TBXA2R: variants seen among roughly 807,000 people sequenced by gnomAD.
TBXA2R encodes prostanoid TP receptor.
Under a neutral mutation model 15.6 loss-of-function variants are expected in TBXA2R, and 15 were observed. The ratio of observed to expected loss-of-function variants is 0.96; its 90% CI spans 0.64 to 1.48. TBXA2R has a LOEUF of 1.48. Ranked by LOEUF, TBXA2R falls within the 40% of genes most tolerant of loss-of-function variation. The pLI is 0.00. For missense variants in TBXA2R, 506 were observed against 491.4 expected, an observed-to-expected ratio of 1.03 and a Z score of -0.28; for synonymous variants, 280 against 241.2, an observed-to-expected ratio of 1.16 and a Z score of -1.49.
chr19:3,604,271 C>T (rs976532414), intron 1 of TBXA2R, among the ~76,000 whole-genome samples: 17 of 152,150 alleles, frequency 1.1e-4, no homozygotes, highest in African/African-American at 3.9e-4. Context: ...AGTGAGTTCT[C>T]CCTCATCCGA....
rs34885751 is a variant in TBXA2R, at chr19:3,595,078, T to TAAAA, written c.*606_*609dup. On this transcript the variant is annotated 3_prime_UTR_variant, in exon 3 of 3. Coordinates refer to ENST00000375190, the MANE Select transcript of TBXA2R (RefSeq NM_001060.6). ...CTGGGCCACAGAGTGAGACTCCGTC[T>TAAAA]AAAAAAAAAAAAAAAAATGGCCAGG... 66 of 477,570 alleles carry TAAAA rather than the reference T, an allele frequency of 1.4e-4. No homozygotes were observed. Among genetic ancestry groups the TAAAA allele is most frequent in the Non-Finnish European group, 1.6e-4 (44 of 280,882 alleles). 29.6% of individuals were successfully genotyped at this position (477,570 alleles called of 1,614,324 possible).
rs201023671 is a variant in TBXA2R at position 3,597,309 on chromosome 19, TATA to T, written c.787-1379_787-1377del. On this transcript the variant is annotated intron_variant, in intron 2 of 2. Coordinates refer to ENST00000375190, the MANE Select transcript of TBXA2R (RefSeq NM_001060.6). ...GTTATCTACAAATTAGTATATAATATATAATAATCAATTATATGATAATTATTC... is the reference window on the plus strand; with the variant it reads ...GTTATCTACAAATTAGTATATAATATATAATCAATTATATGATAATTATTC... Among the ~76,000 whole-genome samples the T allele has an allele frequency of 6.2e-4, 93 of 150,840 alleles. 1 individual carries two copies. Among genetic ancestry groups the T allele is most frequent in the Non-Finnish European group, 1.1e-3 (76 of 67,842 alleles).
chr19:3,603,035 C>CA (rs397714160), intron 1 of TBXA2R, among the ~76,000 whole-genome samples: 1,979 of 135,826 alleles, frequency 0.015, 28 homozygotes, highest in African/African-American at 0.039. Flanking sequence ...GACTCCATCT[C>CA]AAAAAAAAAA....
chr19:3,602,596 C>T lies in TBXA2R; in HGVS notation c.-83-1879G>A, dbSNP rs182052974. 1.6e-3 allele frequency among the ~76,000 whole-genome samples: 237 copies of T among 151,900 alleles called. 2 individuals carry two copies. Among genetic ancestry groups the T allele is most frequent in the Non-Finnish European group, 5.0e-4 (34 of 67,940 alleles). On this transcript the variant is annotated intron_variant, in intron 1 of 2. Transcript: ENST00000375190. Reference sequence around the variant, plus strand: ...AACTAATAAAAATACAAAAATTAGCCGGGTGTGGTGGTGCATACCTGTAAT... The same window carrying T: ...AACTAATAAAAATACAAAAATTAGCTGGGTGTGGTGGTGCATACCTGTAAT...
rs758498665 is a variant in TBXA2R, at chr19:3,600,554, C to T, written c.81G>A (p.Ser27=). The T allele has an allele frequency of 6.8e-6, 11 of 1,611,826 alleles. No individual in the cohort carries two copies. Among genetic ancestry groups the T allele is most frequent in the South Asian group, 2.2e-5 (2 of 91,058 alleles). ...CGCAGAAGGAGGCGGCGAACCAGGG[C>T]GAGGCGATCAGCCGTCTCTCCTCCA... ...ITLEERRLIA[S]PWFAASFCVV... The change falls in exon 2 of 3, where the codon TCG becomes TCA. Residue 27 remains serine (S), a synonymous_variant. Transcript: ENST00000375190.
At position 3,594,828 on chromosome 19, in the gene TBXA2R, G is replaced by A. The variant is rs922863748; in HGVS notation, c.*860C>T. 1.2e-5 allele frequency: 19 copies of A among 1,533,768 alleles called. No individual in the cohort carries two copies. Among genetic ancestry groups the A allele is most frequent in the East Asian group, 7.3e-5 (3 of 40,890 alleles). On this transcript the variant is annotated 3_prime_UTR_variant, in exon 3 of 3. Transcript: ENST00000375190. ...TTTGGCAAGAAAAGGGGGTGCCCCC[G>A]TTCACATTCAATCCTTTCTGGACAG...
chr19:3,602,016 T>G (rs2032747715), intron 1 of TBXA2R, among the ~76,000 whole-genome samples: 1 of 150,854 alleles, frequency 6.6e-6, no homozygotes. Flanking sequence ...GGTCAGGAGA[T>G]CGAGACCATC....
Position 3,600,794 on chromosome 19 carries a change from C to T in TBXA2R, c.-83-77G>A, listed in dbSNP as rs34770196. 2,003 of 696,960 alleles carry T rather than the reference C, an allele frequency of 2.9e-3. 31 individuals are homozygous for T. The African/African-American group carries it at 0.034, about 12-fold the overall frequency. The allele number at this position is 696,960 out of a possible 1,614,324, so 43.2% of individuals were successfully genotyped here. On this transcript the variant is annotated intron_variant, in intron 1 of 2. Coordinates refer to ENST00000375190, the MANE Select transcript of TBXA2R (RefSeq NM_001060.6). Reference sequence around the variant, plus strand: ...GTAGCTCTGGTGAACTCCTACACAACCTTCAATGCCCCAGCTCAAATATCC... The same window carrying T: ...GTAGCTCTGGTGAACTCCTACACAATCTTCAATGCCCCAGCTCAAATATCC...
intron 2 of TBXA2R, among the ~76,000 whole-genome samples, chr19:3,598,813 C>T (rs568730886): frequency 5.3e-4 from 80 of 152,046 alleles, no homozygotes; most frequent in African/African-American, 1.8e-3. Flanking sequence ...GGACTACAGG[C>T]GTGCGCCACC....
intron 1 of TBXA2R, 125 bp from the exon 2 acceptor site, chr19:3,600,842 T>TTTTG: frequency 1.6e-6 from 1 of 611,818 alleles, no homozygotes; most frequent in African/African-American, 1.9e-5. Context: ...TTTTTTTTTT[T>TTTTG]TTTTGAGACA....
In TBXA2R at chr19:3,595,429, C is replaced by T. The variant is rs1358277330; in HGVS notation, c.*259G>A. 1.4e-6 allele frequency: 2 copies of T among 1,404,362 alleles called. No individual in the cohort carries two copies. Among genetic ancestry groups the T allele is most frequent in the Non-Finnish European group, 1.8e-6 (2 of 1,084,168 alleles). The allele number at this position is 1,404,362 out of a possible 1,614,324, so 87.0% of individuals were successfully genotyped here. A position where few individuals can be genotyped will look rare whatever the true frequency, so the allele number is the denominator to read the frequency against. ...CTCTTCCAATGTCTGCATGCCCTTC[C>T]TGGGGTTGGGAGGGACGCAGAGAAG... On this transcript the variant is annotated 3_prime_UTR_variant, in exon 3 of 3. Coordinates refer to ENST00000375190, the MANE Select transcript of TBXA2R (RefSeq NM_001060.6).
Position 3,595,488 on chromosome 19 carries a change from G to A in TBXA2R, c.*200C>T. On this transcript the variant is annotated 3_prime_UTR_variant, in exon 3 of 3. Transcript: ENST00000375190. ...GCTCTGGATGGGAAAAAGGGGCCGA[G>A]GAAGGGAGAGTGCTTGGTAAAAGGA... is the stretch of plus-strand genomic sequence containing the variant. 3.5e-6 allele frequency: 5 copies of A among 1,425,462 alleles called. No homozygotes were observed. Among genetic ancestry groups the A allele is most frequent in the Non-Finnish European group, 4.6e-6 (5 of 1,093,964 alleles). The allele number at this position is 1,425,462 out of a possible 1,614,324, so 88.3% of individuals were successfully genotyped here.
In TBXA2R at chr19:3,600,175, C is replaced by T. The variant is rs1383776459; in HGVS notation, c.460G>A (p.Gly154Arg). Reference sequence around the variant, plus strand: ...GCCAGCGCGGCCGCCCACACCAGCCCCACGGTGGCCCAGGCGCGGCGCTGC... The same window carrying T: ...GCCAGCGCGGCCGCCCACACCAGCCTCACGGTGGCCCAGGCGCGGCGCTGC... ...ASQRRAWATV[G>R]LVWAAALALG... The change falls in exon 2 of 3, where the codon GGG becomes AGG. Residue 154 changes from glycine (G) to arginine (R), a missense_variant. Physicochemically the swap from Gly to Arg is moderately radical, Grantham distance 125 (BLOSUM62 -2). Transcript: ENST00000375190. The T allele has an allele frequency of 6.3e-7, 1 of 1,598,072 alleles. No homozygotes were observed. Among genetic ancestry groups the T allele is most frequent in the South Asian group, 1.1e-5 (1 of 89,856 alleles).
In TBXA2R at chr19:3,595,323, G is replaced by A; in HGVS notation, c.*365C>T. On this transcript the variant is annotated 3_prime_UTR_variant, in exon 3 of 3. Coordinates refer to ENST00000375190, the MANE Select transcript of TBXA2R (RefSeq NM_001060.6). ...GAACCCGGGAGGTGGAGGTTGCAGT[G>A]AGCTGAGATTGCGCCACTGCACTCC... The A allele has an allele frequency of 7.5e-7, 1 of 1,326,652 alleles. No individual in the cohort carries two copies. Among genetic ancestry groups the A allele is most frequent in the South Asian group, 2.1e-5 (1 of 47,692 alleles). 82.2% of individuals were successfully genotyped at this position (1,326,652 alleles called of 1,614,324 possible).
chr19:3,594,546 G>A lies in TBXA2R; in HGVS notation c.*1142C>T, dbSNP rs1255848680. On this transcript the variant is annotated 3_prime_UTR_variant, in exon 3 of 3. Transcript: ENST00000375190. ...CTTTTAATGACACACAGATTCAAAG[G>A]TGGTTTGATTGCAGGTTCCAGGGCT... 1 of 230,408 alleles carries A rather than the reference G, an allele frequency of 4.3e-6. No individual in the cohort carries two copies. The highest frequency in any genetic ancestry group is 5.1e-5 in the Admixed American group (1 of 19,514). 14.3% of individuals were successfully genotyped at this position (230,408 alleles called of 1,614,324 possible).
At position 3,594,580 on chromosome 19, in the gene TBXA2R, G is replaced by A; in HGVS notation, c.*1108C>T. ...TTGCAGGTTCCAGGGCTAACCTGTA[G>A]CCCTCCCATTACAGGCTGCTGGAAG... On this transcript the variant is annotated 3_prime_UTR_variant, in exon 3 of 3. Coordinates refer to ENST00000375190, the MANE Select transcript of TBXA2R (RefSeq NM_001060.6). 2.9e-6 allele frequency: 1 copy of A among 341,636 alleles called. No individual in the cohort carries two copies. The highest frequency in any genetic ancestry group is 5.5e-6 in the Non-Finnish European group (1 of 182,792). 21.2% of individuals were successfully genotyped at this position (341,636 alleles called of 1,614,324 possible).
chr19:3,600,200 C>T lies in TBXA2R; in HGVS notation c.435G>A (p.Ser145=), dbSNP rs5748. The T allele has an allele frequency of 0.061, 96,727 of 1,598,096 alleles. 3,275 individuals are homozygous for T. Among genetic ancestry groups the T allele is most frequent in the South Asian group, 0.11 (9,862 of 90,034 alleles). Residue 145 remains serine (S), a synonymous_variant, in exon 2 of 3, where the codon TCG becomes TCA. Coordinates refer to ENST00000375190, the MANE Select transcript of TBXA2R (RefSeq NM_001060.6). ...TRPFSRPAVA[S]QRRAWATVGL... ...CCACGGTGGCCCAGGCGCGGCGCTG[C>T]GAGGCGACCGCCGGGCGCGAGAAGG...
Position 3,595,935 on chromosome 19 carries a change from T to C in TBXA2R, c.787-2A>G, listed in dbSNP as rs1599869510. On this transcript the variant is annotated splice_acceptor_variant, in intron 2 of 2. Transcript: ENST00000375190. LOFTEE classifies it high-confidence loss of function. ...CAGCACTGTCTGGGCGATGAAGACC[T>C]GCAAAGGGGAGAGCTGTCAGCCTGG... 1 of 1,584,850 alleles carries C rather than the reference T, an allele frequency of 6.3e-7. No individual in the cohort carries two copies. The highest frequency in any genetic ancestry group is 8.6e-7 in the Non-Finnish European group (1 of 1,167,218).
At chr19:3,598,345 C>CTTTTTTTTTTTTTTTTTTTT (rs1300020033) in intron 2 of TBXA2R, among the ~76,000 whole-genome samples, 10 of 115,394 alleles carry the variant, frequency 8.7e-5, no homozygotes, top group African/African-American at 3.6e-4. Context: ...TCTTTCTTTT[C>CTTTTTTTTTTTTTTTTTTTT]TTTTCTTTTT....
Sources: gnomAD v4.1 joint callset for allele counts (sites outside exome capture counted in the v4.1 genomes callset) on GRCh38, gnomAD v4.1.1 for gene constraint, MANE v1.5 for transcripts, NCBI Gene and HGNC (gene_info 2026-07-23, HGNC 2026-07-21) for gene names.